ASH1L: variants seen among roughly 807,000 people sequenced by gnomAD.
ASH1L encodes ASH1 like histone lysine methyltransferase, also known as histone-lysine N-methyltransferase ASH1L.
Under a neutral mutation model 269.0 loss-of-function variants are expected in ASH1L, and 23 were observed. The ratio of observed to expected loss-of-function variants is 0.09; its 90% confidence interval spans 0.06 to 0.12. The LOEUF is 0.12. ASH1L is among the 10% of genes least tolerant of loss of function. ASH1L has a pLI of 1.00. For synonymous variants in ASH1L, 1,187 were observed against 1,253.5 expected (o/e 0.95, Z 1.12); for missense variants, 2,912 against 3,567.8 (o/e 0.82, Z 4.68).
At chr1:155,484,050 A>G (rs1437765274) in intron 2 of ASH1L, among the ~76,000 whole-genome samples, 1 of 152,202 alleles carries the variant, frequency 6.6e-6, no homozygotes, top group East Asian at 1.9e-4. Context: ...AAGATTAGCG[A>G]AAATAGTGAC....
intron 2 of ASH1L, among the ~76,000 whole-genome samples, chr1:155,499,973 T>C (rs566523366): frequency 6.6e-6 from 1 of 152,288 alleles, no homozygotes; most frequent in Admixed American, 6.5e-5. Context: ...AACTCTTCAA[T>C]CAGCCAAATG....
intron 25 of ASH1L, among the ~76,000 whole-genome samples, chr1:155,341,397 TGA>T (rs1558011922): frequency 6.6e-6 from 1 of 151,224 alleles, no homozygotes; most frequent in African/African-American, 2.4e-5. Context: ...AGGATGGTCT[TGA>T]TCTCCTGACC....
chr1:155,521,896 TCAAGCAAA>T (rs1164444999), intron 1 of ASH1L, among the ~76,000 whole-genome samples: 1 of 152,184 alleles, frequency 6.6e-6, no homozygotes, highest in East Asian at 1.9e-4. Context: ...AAACTTACAG[TCAAGCAAA>T]CATTGCCTAA....
chr1:155,433,533 C>A, intron 5 of ASH1L: 1 of 1,610,390 alleles, frequency 6.2e-7, no homozygotes, highest in Non-Finnish European at 8.5e-7. Context: ...TGCACCGTCC[C>A]CCCTGGTGCC....
In ASH1L at chr1:155,438,337, T is replaced by G; in HGVS notation, c.5818A>C (p.Asn1940His). Residue 1940 changes from asparagine to histidine, a missense_variant, in exon 5 of 28, where the codon AAT (asparagine) becomes CAT (histidine). Asn to His is a moderately conservative substitution (Grantham distance 68, BLOSUM62 1). This residue lies in a region of ASH1L where 789 missense variants were observed against 897.6 expected (regional missense o/e 0.88). Coordinates refer to ENST00000392403, the MANE Select transcript of ASH1L (RefSeq NM_018489.3). ...KPLPEEEEQE[N>H]NKSFNEAPVE... ...TAAATGAGGAATTACCTTTTATTATTCTCTTGCTCTTCTTCCTCTGGTAAT... is the reference window on the plus strand; with the variant it reads ...TAAATGAGGAATTACCTTTTATTATGCTCTTGCTCTTCTTCCTCTGGTAAT... 1 of 1,552,220 alleles carries G rather than the reference T, an allele frequency of 6.4e-7. No individual in the cohort carries two copies.
chr1:155,510,978 ATGT>A (rs779851798), intron 2 of ASH1L, among the ~76,000 whole-genome samples: 31 of 152,194 alleles, frequency 2.0e-4, no homozygotes, highest in Non-Finnish European at 4.0e-4. Flanking sequence ...GTTGAAAATC[ATGT>A]TATTAACCTA....
At chr1:155,346,725 T>C (rs543946474) in intron 20 of ASH1L, among the ~76,000 whole-genome samples, 4 of 152,316 alleles carry the variant, frequency 2.6e-5, no homozygotes, top group South Asian at 2.1e-4. Context: ...GGACAGAGAA[T>C]AGGAAAACAA....
intron 2 of ASH1L, among the ~76,000 whole-genome samples, chr1:155,515,705 G>A (rs1034919072): frequency 1.3e-5 from 2 of 151,754 alleles, no homozygotes; most frequent in Admixed American, 1.3e-4. Flanking sequence ...GCAAGCACCT[G>A]TAATCCCAGC....
intron 3 of ASH1L, among the ~76,000 whole-genome samples, chr1:155,476,415 ACT>A (rs1392150689): frequency 6.6e-6 from 1 of 151,828 alleles, no homozygotes; most frequent in Non-Finnish European, 1.5e-5. Flanking sequence ...ATAAATAAAC[ACT>A]GTTAAAAGCT....
At chr1:155,433,391 G>T (rs770815766) in intron 5 of ASH1L, 7 of 1,604,682 alleles carry the variant, frequency 4.4e-6, no homozygotes, top group South Asian at 3.4e-5. Flanking sequence ...TGAGTTCTGT[G>T]GGGGGATGGC....
chr1:155,458,696 AAC>A (rs752227338), intron 4 of ASH1L, among the ~76,000 whole-genome samples: 1 of 152,028 alleles, frequency 6.6e-6, no homozygotes, highest in Non-Finnish European at 1.5e-5. Flanking sequence ...CAGCCTGGGC[AAC>A]AGAGTGGGAC....
intron 3 of ASH1L, among the ~76,000 whole-genome samples, chr1:155,460,228 CTAACAATATTT>C (rs1002906449): frequency 6.6e-6 from 1 of 152,180 alleles, no homozygotes; most frequent in African/African-American, 2.4e-5. Context: ...ATACAAATTA[CTAACAATATTT>C]TAACCAAATC....
At position 155,380,035 on chromosome 1, in the gene ASH1L, C is replaced by G; in HGVS notation, c.6177+8G>C. The G allele has an allele frequency of 1.2e-6, 2 of 1,605,212 alleles. No homozygotes were observed. The highest frequency in any genetic ancestry group is 2.2e-5 in the East Asian group (1 of 44,736). The stretch of plus-strand genomic sequence containing the variant: ...AGAATGAAACCTGGTAAAACAGGCT[C>G]TCTGTACCTGATTGTGTTTCCACTG... On this transcript the variant is annotated splice_region_variant and intron_variant, in intron 8 of 27. Transcript: ENST00000392403.
chr1:155,500,056 C>T (rs1470000450), intron 2 of ASH1L, among the ~76,000 whole-genome samples: 1 of 152,184 alleles, frequency 6.6e-6, no homozygotes, highest in Non-Finnish European at 1.5e-5. Context: ...AAACTAATTA[C>T]GGTAGTTTTA....
rs536567623 is a variant in ASH1L, at chr1:155,464,669, A to C, written c.4985-4771T>G. ...GGAAGACAGAAAAAGAGAATACCAT[A>C]AATTGGAATAATACAGAGAAAATTA... On this transcript the variant is annotated intron_variant, in intron 3 of 27. Coordinates refer to ENST00000392403, the MANE Select transcript of ASH1L (RefSeq NM_018489.3). Among the ~76,000 whole-genome samples the C allele has an allele frequency of 1.9e-4, 29 of 152,352 alleles. 1 individual carries two copies. The highest frequency in any genetic ancestry group is 3.4e-3 in the Middle Eastern group (1 of 294).
chr1:155,374,240 G>A (rs951640250), intron 10 of ASH1L, among the ~76,000 whole-genome samples: 12 of 151,988 alleles, frequency 7.9e-5, no homozygotes, highest in African/African-American at 2.2e-4. Flanking sequence ...TAGGAGAATC[G>A]CTTGAACCTG....
At chr1:155,455,969 G>C (rs1322509431) in intron 4 of ASH1L, among the ~76,000 whole-genome samples, 2 of 151,998 alleles carry the variant, frequency 1.3e-5, no homozygotes, top group Admixed American at 6.6e-5. Context: ...ACCTTTTGGG[G>C]GTTCCAACTT....
chr1:155,478,768 T>C lies in ASH1L; in HGVS notation c.4102A>G (p.Ser1368Gly). 1 of 1,614,156 alleles carries C rather than the reference T, an allele frequency of 6.2e-7. No homozygotes were observed. Among genetic ancestry groups the C allele is most frequent in the South Asian group, 1.1e-5 (1 of 91,082 alleles). The change falls in exon 3 of 28, where the codon AGC (serine) becomes GGC (glycine). Residue 1368 changes from serine (S) to glycine (G), a missense_variant. Around this residue, in one of 13 missense-constraint regions of ASH1L, gnomAD observed 789 missense variants for 897.6 expected, o/e 0.88. Coordinates refer to ENST00000392403, the MANE Select transcript of ASH1L (RefSeq NM_018489.3). The surrounding 1 kb of genome is among the most constrained non-coding windows in gnomAD (Gnocchi z 4.6). ...EAMAEMPFMHSLSFPLSSTGF... is the reference protein window; with the variant it reads ...EAMAEMPFMHGLSFPLSSTGF... ...GTACTAGAAAGAGGAAAACTAAGGCTGTGCATAAAAGGCATTTCAGCCATT... is the reference window on the plus strand; with the variant it reads ...GTACTAGAAAGAGGAAAACTAAGGCCGTGCATAAAAGGCATTTCAGCCATT...
chr1:155,556,997 C>T (rs925631849), intron 1 of ASH1L, among the ~76,000 whole-genome samples: 28 of 152,170 alleles, frequency 1.8e-4, no homozygotes, highest in African/African-American at 6.0e-4. Flanking sequence ...GCTCGTACCA[C>T]GGCACCCTAG....
Sources: gnomAD v4.1 joint callset for allele counts (sites outside exome capture counted in the v4.1 genomes callset) on GRCh38, gnomAD v4.1.1 for gene constraint, gnomAD v4.1.1 regional missense constraint, Gnocchi (gnomAD v3.1) non-coding constraint, MANE v1.5 for transcripts, NCBI Gene and HGNC (gene_info 2026-07-23, HGNC 2026-07-21) for gene names.